The following FAM110B variants were observed in gnomAD, a reference collection of about 807,000 sequenced individuals.
The protein encoded by FAM110B is protein FAM110B.
A neutral mutation model predicts 20.4 loss-of-function variants in FAM110B; 6 were observed. The observed-to-expected ratio is 0.29, with a 90% CI of 0.16 to 0.58. The LOEUF (loss-of-function observed/expected upper bound fraction) is 0.58, where lower values mean the gene tolerates loss of function less well. Among genes scored for constraint, FAM110B ranks in the 20% least tolerant of loss-of-function variants. The pLI is 0.90. For synonymous variants in FAM110B, 226 were observed against 214.1 expected, an observed-to-expected ratio of 1.06 and a Z score of -0.49; for missense variants, 434 against 498.2, an observed-to-expected ratio of 0.87 and a Z score of 1.23.
chr8:58,116,774 G>T (rs1005703403), intron 3 of FAM110B, among the ~76,000 whole-genome samples: 3 of 152,004 alleles, frequency 2.0e-5, no homozygotes, highest in Non-Finnish European at 2.9e-5. Flanking sequence ...CAGTTTCCAG[G>T]AAGAGATTAA....
intron 3 of FAM110B, among the ~76,000 whole-genome samples, chr8:58,086,750 G>C (rs1467346020): frequency 1.3e-5 from 2 of 152,190 alleles, no homozygotes; most frequent in Non-Finnish European, 2.9e-5. Flanking sequence ...TGTCAGTGAT[G>C]GATGGTGATG....
intron 1 of FAM110B, among the ~76,000 whole-genome samples, chr8:58,026,223 G>A (rs58124183): frequency 0.16 from 23,636 of 152,112 alleles, 2,268 homozygotes; most frequent in African/African-American, 0.26. Context: ...TAACAGCTGA[G>A]TGATAAACTC....
chr8:58,138,715 C>T (rs1407508441), intron 3 of FAM110B, among the ~76,000 whole-genome samples: 1 of 152,214 alleles, frequency 6.6e-6, no homozygotes, highest in Non-Finnish European at 1.5e-5. Context: ...CAGTCCACTC[C>T]CTCCTGACTT....
chr8:58,140,221 CCTGT>C (rs1286124525), intron 3 of FAM110B, among the ~76,000 whole-genome samples: 3 of 152,252 alleles, frequency 2.0e-5, no homozygotes, highest in Non-Finnish European at 2.9e-5. Flanking sequence ...CCCTCTGCAT[CCTGT>C]CTGTCTCCCA....
intron 3 of FAM110B, among the ~76,000 whole-genome samples, chr8:58,114,445 C>T (rs953266115): frequency 1.3e-5 from 2 of 152,206 alleles, no homozygotes; most frequent in Non-Finnish European, 2.9e-5. Flanking sequence ...CTACCCAGGG[C>T]GTCATCGTCT....
intron 1 of FAM110B, among the ~76,000 whole-genome samples, chr8:58,000,355 TATG>T (rs1378914664): frequency 6.6e-6 from 1 of 152,228 alleles, no homozygotes; most frequent in Non-Finnish European, 1.5e-5. Context: ...TTATGTTACT[TATG>T]ATATCACATC....
At chr8:58,137,246 A>G (rs1037144611) in intron 3 of FAM110B, among the ~76,000 whole-genome samples, 2 of 152,160 alleles carry the variant, frequency 1.3e-5, no homozygotes, top group African/African-American at 4.8e-5. Context: ...AGTTGCAGAC[A>G]CTGGGGACAG....
intron 3 of FAM110B, among the ~76,000 whole-genome samples, chr8:58,119,509 T>G (rs1807301868): frequency 6.6e-6 from 1 of 152,168 alleles, no homozygotes; most frequent in South Asian, 2.1e-4. Flanking sequence ...GGGGGTTAGG[T>G]TTCAACATGG....
chr8:58,044,277 G>A (rs991920397), intron 2 of FAM110B, among the ~76,000 whole-genome samples: 6 of 152,198 alleles, frequency 3.9e-5, no homozygotes, highest in African/African-American at 1.4e-4. Context: ...CCCTGAGATT[G>A]TTCAGTGTGC....
At chr8:58,143,494 A>T (rs1352653255) in intron 3 of FAM110B, among the ~76,000 whole-genome samples, 2 of 152,268 alleles carry the variant, frequency 1.3e-5, no homozygotes, top group African/African-American at 4.8e-5. Context: ...TATGTGTGAC[A>T]TAATTCTTTC....
At position 58,085,741 on chromosome 8, in the gene FAM110B, C is replaced by T. The variant is rs532334584; in HGVS notation, c.-325+10118C>T. ...ATATCTATTTTCTCTACTTTGAACC[C>T]CCCACAGATGACCCTGTTATGAAGT... On this transcript the variant is annotated intron_variant, in intron 3 of 3. Coordinates refer to ENST00000519262, the MANE Select transcript of FAM110B (RefSeq NM_001377989.1). Among the ~76,000 whole-genome samples, 5 of 152,126 alleles carry T rather than the reference C, an allele frequency of 3.3e-5. No homozygotes were observed. The South Asian group carries it at 1.0e-3, about 32-fold the overall frequency.
chr8:58,085,014 G>A (rs537070314), intron 3 of FAM110B, among the ~76,000 whole-genome samples: 23 of 152,276 alleles, frequency 1.5e-4, no homozygotes, highest in African/African-American at 4.3e-4. Flanking sequence ...CAGGATGCTA[G>A]GGCAGTCAGA....
At chr8:58,113,284 GGTCTCTGTTCACTTTCA>G in intron 3 of FAM110B, 1 of 189,164 alleles carries the variant, frequency 5.3e-6, no homozygotes, top group East Asian at 1.2e-4. Context: ...ATCTTTCTTT[GGTCTCTGTTCACTTTCA>G]GCCTAGAAGT....
In FAM110B at chr8:58,146,346, G is replaced by T; in HGVS notation, c.116G>T (p.Arg39Met). The change falls in exon 4 of 4, where the codon AGG becomes ATG. Residue 39 changes from arginine to methionine, a missense_variant. Physicochemically the swap from Arg to Met is moderately conservative, Grantham distance 91 (BLOSUM62 -1). Around this residue, in one of 3 missense-constraint regions of FAM110B, gnomAD observed 56 missense variants for 82.1 expected, o/e 0.68. Transcript: ENST00000519262. ...AACAAGGGGCCAGACTACTTCCGCA[G>T]GCAGGCCGAGCCCAACCCCAAGAGG... ...ILNKGPDYFR[R>M]QAEPNPKRLS... 6.2e-7 allele frequency: 1 copy of T among 1,614,052 alleles called. No homozygotes were observed. Among genetic ancestry groups the T allele is most frequent in the Admixed American group, 1.7e-5 (1 of 60,026 alleles).
chr8:58,037,398 G>A (rs1334249410), intron 2 of FAM110B, among the ~76,000 whole-genome samples: 1 of 151,832 alleles, frequency 6.6e-6, no homozygotes, highest in Admixed American at 6.6e-5. Flanking sequence ...CACTTTAGGA[G>A]GCCAAATTGG....
intron 3 of FAM110B, among the ~76,000 whole-genome samples, chr8:58,129,442 G>A (rs544664511): frequency 1.3e-5 from 2 of 152,270 alleles, no homozygotes; most frequent in South Asian, 2.1e-4. Flanking sequence ...TCCACCTCTC[G>A]ATAACATTAG....
At chr8:58,114,057 A>G (rs1482870710) in intron 3 of FAM110B, among the ~76,000 whole-genome samples, 1 of 152,190 alleles carries the variant, frequency 6.6e-6, no homozygotes, top group Non-Finnish European at 1.5e-5. Flanking sequence ...GCTCTAGCTT[A>G]ACCTCTGGGT....
At chr8:58,054,042 A>G (rs1373945268) in intron 2 of FAM110B, among the ~76,000 whole-genome samples, 1 of 152,228 alleles carries the variant, frequency 6.6e-6, no homozygotes, top group Non-Finnish European at 1.5e-5. Flanking sequence ...CAGATGAGTT[A>G]CAGTTCAGTG....
chr8:58,136,666 T>TTTTTTAAAAG (rs1803625532), intron 3 of FAM110B, among the ~76,000 whole-genome samples: 2 of 152,086 alleles, frequency 1.3e-5, no homozygotes, highest in South Asian at 4.2e-4. Flanking sequence ...AAGGCAAGGC[T>TTTTTTAAAAG]CCCCCTCACT....
Sources: gnomAD v4.1 joint callset for allele counts (sites outside exome capture counted in the v4.1 genomes callset) on GRCh38, gnomAD v4.1.1 for gene constraint, gnomAD v4.1.1 regional missense constraint, MANE v1.5 for transcripts, NCBI Gene and HGNC (gene_info 2026-07-23, HGNC 2026-07-21) for gene names.